The following MET variants were observed in gnomAD, a reference collection of about 807,000 sequenced individuals.
MET encodes hepatocyte growth factor receptor.
Under a neutral mutation model 133.1 loss-of-function variants are expected in MET, and 48 were observed. The ratio of observed to expected loss-of-function variants is 0.36; its 90% CI spans 0.29 to 0.46. The LOEUF (loss-of-function observed/expected upper bound fraction) is 0.46. Among genes scored for constraint, MET ranks in the 20% least tolerant of loss-of-function variants. The probability of loss-of-function intolerance (pLI) is 1.00; values close to 1 mark genes in which losing one functional copy is unlikely to be tolerated. For synonymous variants in MET, 628 were observed against 616.5 expected (o/e 1.02, Z -0.28); for missense variants, 1,442 against 1,695.9 (o/e 0.85, Z 2.63).
intron 11 of MET, among the ~76,000 whole-genome samples, chr7:116,769,121 T>C (rs1794742949): frequency 6.6e-6 from 1 of 152,132 alleles, no homozygotes; most frequent in Admixed American, 6.5e-5. Context: ...GTATTAATAT[T>C]AACATAACAT....
chr7:116,770,688 T>C (rs1794804768), intron 12 of MET, among the ~76,000 whole-genome samples: 1 of 152,180 alleles, frequency 6.6e-6, no homozygotes, highest in Non-Finnish European at 1.5e-5. Context: ...TGTCTTTTTA[T>C]GTGTGGCCTA....
chr7:116,744,798 G>A (rs774207320), intron 5 of MET, among the ~76,000 whole-genome samples: 11 of 152,092 alleles, frequency 7.2e-5, no homozygotes, highest in Admixed American at 2.6e-4. Context: ...GAGAAAAGTC[G>A]GGTTACCCAC....
intron 2 of MET, among the ~76,000 whole-genome samples, chr7:116,704,032 A>G (rs1791678005): frequency 6.6e-6 from 1 of 152,078 alleles, no homozygotes; most frequent in Non-Finnish European, 1.5e-5. Context: ...TAATGACCAA[A>G]GTTGGATCAA....
At chr7:116,776,750 G>A (rs1478387407) in intron 15 of MET, among the ~76,000 whole-genome samples, 2 of 152,154 alleles carry the variant, frequency 1.3e-5, no homozygotes, top group South Asian at 4.1e-4. Context: ...ACTGCCACTG[G>A]ATAAAAGGCT....
intron 2 of MET, among the ~76,000 whole-genome samples, chr7:116,730,667 A>AC (rs1322742025): frequency 6.6e-6 from 1 of 152,114 alleles, no homozygotes; most frequent in Non-Finnish European, 1.5e-5. Context: ...TGGACTGTAT[A>AC]TGGGGGCGGA....
chr7:116,679,578 G>A (rs565520032), intron 1 of MET, among the ~76,000 whole-genome samples: 3 of 152,244 alleles, frequency 2.0e-5, no homozygotes, highest in East Asian at 1.9e-4. Context: ...AGGGCAGGTC[G>A]CTTGTATGTA....
chr7:116,765,445 A>G (rs911180773), intron 11 of MET, among the ~76,000 whole-genome samples: 1 of 152,020 alleles, frequency 6.6e-6, no homozygotes, highest in South Asian at 2.1e-4. Context: ...AGAGATTGTG[A>G]TCATTCCCTG....
At chr7:116,783,099 G>T (rs373721129) in intron 18 of MET, among the ~76,000 whole-genome samples, 2 of 152,164 alleles carry the variant, frequency 1.3e-5, no homozygotes, top group East Asian at 1.9e-4. Flanking sequence ...TCCTCAGCCT[G>T]TTGAATTGGC....
intron 19 of MET, 73 bp from the exon 20 acceptor site, chr7:116,795,582 G>C (rs1795642836): frequency 1.2e-6 from 2 of 1,604,426 alleles, no homozygotes; most frequent in African/African-American, 1.3e-5. Context: ...TAGTTACCAA[G>C]ACCTACTGAT....
intron 17 of MET, among the ~76,000 whole-genome samples, chr7:116,780,669 A>G (rs1345510115): frequency 1.3e-5 from 2 of 152,228 alleles, no homozygotes; most frequent in Non-Finnish European, 2.9e-5. Context: ...GATGTGTCTT[A>G]AAGAGAAACC....
intron 19 of MET, among the ~76,000 whole-genome samples, chr7:116,785,982 C>T (rs1320597331): frequency 6.6e-6 from 1 of 152,214 alleles, no homozygotes; most frequent in African/African-American, 2.4e-5. Flanking sequence ...GAATCTGCAA[C>T]TTGTAAAAAA....
chr7:116,746,470 C>T (rs1210179390), intron 5 of MET, among the ~76,000 whole-genome samples: 1 of 152,188 alleles, frequency 6.6e-6, no homozygotes, highest in Non-Finnish European at 1.5e-5. Flanking sequence ...GCTGTAAAGA[C>T]ACATGCACAT....
At chr7:116,779,027 G>A (rs2117049392) in intron 17 of MET, 70 bp downstream of exon 17, 4 of 1,492,238 alleles carry the variant, frequency 2.7e-6, no homozygotes, top group Non-Finnish European at 3.7e-6. Flanking sequence ...AAATAGGCCT[G>A]CTCTGAGTCT....
chr7:116,706,888 A>ATT (rs35404902), intron 2 of MET, among the ~76,000 whole-genome samples: 1,827 of 139,072 alleles, frequency 0.013, 25 homozygotes, highest in African/African-American at 0.038. Context: ...CCTTCCCTTG[A>ATT]TTTTTTTTTT....
rs2117032006 is a variant in MET, at chr7:116,775,078, C to A, written c.3226C>A (p.Leu1076Met). 1 of 1,614,202 alleles carries A rather than the reference C, an allele frequency of 6.2e-7. No individual in the cohort carries two copies. Among genetic ancestry groups the A allele is most frequent in the Non-Finnish European group, 8.5e-7 (1 of 1,180,014 alleles). The change falls in exon 15 of 21, where the codon CTG (leucine) becomes ATG (methionine). Residue 1076 changes from leucine to methionine, a missense_variant. Leu to Met is a conservative substitution (Grantham distance 15, BLOSUM62 2). Around this residue, in one of 6 missense-constraint regions of MET, gnomAD observed 514 missense variants for 659.6 expected, o/e 0.78. Coordinates refer to ENST00000397752, the MANE Select transcript of MET (RefSeq NM_000245.4). ...GCATGTAGTGATTGGGCCCAGTAGC[C>A]TGATTGTGCATTTCAATGAAGTCAT... ...VQHVVIGPSSLIVHFNEVIGR... is the reference protein window; with the variant it reads ...VQHVVIGPSSMIVHFNEVIGR...
At chr7:116,688,677 A>G (rs1300169905) in intron 1 of MET, among the ~76,000 whole-genome samples, 1 of 152,240 alleles carries the variant, frequency 6.6e-6, no homozygotes, top group Non-Finnish European at 1.5e-5. Flanking sequence ...CTGACAGAAT[A>G]TGAATTTATA....
chr7:116,712,132 A>G (rs887387928), intron 2 of MET, among the ~76,000 whole-genome samples: 2 of 152,162 alleles, frequency 1.3e-5, no homozygotes, highest in Non-Finnish European at 2.9e-5. Context: ...CCTCCCTCAC[A>G]ACCCTGCCTT....
chr7:116,689,766 C>A (rs1477211170), intron 1 of MET, among the ~76,000 whole-genome samples: 2 of 151,806 alleles, frequency 1.3e-5, no homozygotes, highest in Non-Finnish European at 2.9e-5. Context: ...ATGGGGTTTG[C>A]CCAGGCTGGT....
At chr7:116,680,530 G>A (rs1290556224) in intron 1 of MET, among the ~76,000 whole-genome samples, 3 of 152,140 alleles carry the variant, frequency 2.0e-5, no homozygotes, top group African/African-American at 7.2e-5. Flanking sequence ...GCAAAGGAAG[G>A]GGAAAGGTGG....
Sources: allele counts gnomAD v4.1 joint callset (sites outside exome capture counted in the v4.1 genomes callset), GRCh38; gene constraint gnomAD v4.1.1; regional missense constraint gnomAD v4.1.1; transcripts MANE v1.5; gene names NCBI Gene and HGNC (gene_info 2026-07-23, HGNC 2026-07-21).